The following SLC39A14 variants were observed in gnomAD, a reference collection of about 807,000 sequenced individuals.
SLC39A14 encodes metal cation symporter ZIP14.
In SLC39A14, 19 loss-of-function variants were observed where a neutral mutation model predicts 45.5. That is an observed-to-expected ratio of 0.42 (90% CI 0.29 to 0.61). SLC39A14 has a LOEUF of 0.61. Among genes scored for constraint, SLC39A14 ranks in the 20% least tolerant of loss-of-function variants. The pLI, the probability that SLC39A14 is intolerant of heterozygous loss-of-function variation, is 0.22. For synonymous variants in SLC39A14, 264 were observed against 251.3 expected (o/e 1.05, Z -0.48); for missense variants, 447 against 616.5 (o/e 0.73, Z 2.91).
At chr8:22,414,710 G>T in intron 4 of SLC39A14, 70 bp from the exon 5 acceptor site, 1 of 1,492,360 alleles carries the variant, frequency 6.7e-7, no homozygotes, top group Admixed American at 2.2e-5. Flanking sequence ...AAGTAGTTAA[G>T]AGATAAGAGG....
intron 8 of SLC39A14, among the ~76,000 whole-genome samples, chr8:22,427,974 C>T (rs1836412005): frequency 6.6e-6 from 1 of 151,974 alleles, no homozygotes; most frequent in Admixed American, 6.6e-5. Flanking sequence ...TTGAGACCAG[C>T]CCAGGCAACA....
chr8:22,404,592 A>T, intron 1 of SLC39A14, 104 bp from the exon 2 acceptor site: 1 of 1,070,268 alleles, frequency 9.3e-7, no homozygotes, highest in Non-Finnish European at 1.4e-6. Flanking sequence ...AGAAGCAGAG[A>T]CTGAGGGATA....
chr8:22,419,821 G>A lies in SLC39A14; in HGVS notation c.*123G>A. On this transcript the variant is annotated 3_prime_UTR_variant, in exon 9 of 9. Coordinates refer to ENST00000381237, the MANE Select transcript of SLC39A14 (RefSeq NM_001128431.4). ...GTTCTATGAAAAACTGACACAGACT[G>A]TATTCCTGCATTCAAATGTCAGCCG... The A allele has an allele frequency of 3.5e-6, 5 of 1,413,346 alleles. No homozygotes were observed. Among genetic ancestry groups the A allele is most frequent in the Non-Finnish European group, 3.7e-6 (4 of 1,086,514 alleles). 87.6% of individuals were successfully genotyped at this position (1,413,346 alleles called of 1,614,324 possible).
chr8:22,403,462 G>A (rs1352192282), intron 1 of SLC39A14, among the ~76,000 whole-genome samples: 1 of 150,740 alleles, frequency 6.6e-6, no homozygotes, highest in Non-Finnish European at 1.5e-5. Flanking sequence ...TGTATTTTTA[G>A]TAGAGATGGG....
intron 1 of SLC39A14, among the ~76,000 whole-genome samples, chr8:22,401,002 T>TA (rs1265204414): frequency 6.6e-6 from 1 of 152,232 alleles, no homozygotes; most frequent in Non-Finnish European, 1.5e-5. Context: ...ATCCTCAAAG[T>TA]AATCTAATGA....
intron 5 of SLC39A14, 162 bp downstream of exon 5, chr8:22,415,064 A>C: frequency 1.2e-6 from 1 of 863,172 alleles, no homozygotes; most frequent in Non-Finnish European, 1.7e-6. Flanking sequence ...CCTCCTGAGG[A>C]TATTTGGCCA....
At position 22,421,974 on chromosome 8, in the gene SLC39A14, G is replaced by A. The variant is rs533948246; in HGVS notation, c.*2276G>A. 5 of 985,432 alleles carry A rather than the reference G, an allele frequency of 5.1e-6. No homozygotes were observed. The highest frequency in any genetic ancestry group is 3.5e-5 in the African/African-American group (2 of 57,354). The allele number at this position is 985,432 out of a possible 1,614,324, so 61.0% of individuals were successfully genotyped here. On this transcript the variant is annotated 3_prime_UTR_variant, in exon 9 of 9. Coordinates refer to ENST00000381237, the MANE Select transcript of SLC39A14 (RefSeq NM_001128431.4). The stretch of plus-strand genomic sequence containing the variant: ...GTTGGCGCAGAGGTCAGTCCTAGTC[G>A]GAGCTTAGGAGGGGCGGAGACGCTC...
At chr8:22,417,453 G>C (rs1197615195) in intron 7 of SLC39A14, among the ~76,000 whole-genome samples, 198 bp from the exon 8 acceptor site, 3 of 152,108 alleles carry the variant, frequency 2.0e-5, no homozygotes, top group African/African-American at 7.2e-5. Context: ...TTAGCAGTCT[G>C]ATGTCATCGG....
intron 8 of SLC39A14, chr8:22,433,744 TAG>T (rs1401670106): frequency 5.6e-6 from 1 of 177,048 alleles, no homozygotes; most frequent in Non-Finnish European, 1.2e-5. Flanking sequence ...GTATTTTTTA[TAG>T]AGACGCGGTT....
At chr8:22,373,373 T>C (rs1833036835) in intron 1 of SLC39A14, among the ~76,000 whole-genome samples, 1 of 152,178 alleles carries the variant, frequency 6.6e-6, no homozygotes, top group African/African-American at 2.4e-5. Context: ...AAAATAATTA[T>C]TTATTGGATG....
In SLC39A14 at chr8:22,393,998, A is replaced by G. The variant is rs556110942; in HGVS notation, c.-15-10698A>G. Among the ~76,000 whole-genome samples, 606 of 137,498 alleles carry G rather than the reference A, an allele frequency of 4.4e-3. 2 individuals are homozygous for G. The highest frequency in any genetic ancestry group is 7.6e-3 in the Non-Finnish European group (493 of 64,630). The allele number at this position is 137,498 out of a possible 152,430, so 90.2% of individuals were successfully genotyped here. On this transcript the variant is annotated intron_variant, in intron 1 of 8. Transcript: ENST00000381237. ...CTGTAATGATTTTTTATTATTTCTT[A>G]TCTGAAGGGGTGTTTTTTTTTTTTT... is the stretch of plus-strand genomic sequence containing the variant.
In SLC39A14 at chr8:22,420,769, T is replaced by C; in HGVS notation, c.*1071T>C. 1 of 985,330 alleles carries C rather than the reference T, an allele frequency of 1.0e-6. No homozygotes were observed. The highest frequency in any genetic ancestry group is 1.2e-6 in the Non-Finnish European group (1 of 829,908). The allele number at this position is 985,330 out of a possible 1,614,324, so 61.0% of individuals were successfully genotyped here. ...CCGCTTCCATAAATCAAAGCATGAC[T>C]AATAGGGGGTCTCTGAAATGTAAGG... On this transcript the variant is annotated 3_prime_UTR_variant, in exon 9 of 9. Coordinates refer to ENST00000381237, the MANE Select transcript of SLC39A14 (RefSeq NM_001128431.4).
Position 22,421,490 on chromosome 8 carries a change from T to A in SLC39A14, c.*1792T>A. On this transcript the variant is annotated 3_prime_UTR_variant, in exon 9 of 9. Transcript: ENST00000381237. The stretch of plus-strand genomic sequence containing the variant: ...TCTAGATTAAATATCAGGACTGATT[T>A]CCTGGTGGGATTATGGTCCAGTTTT... The A allele has an allele frequency of 9.3e-6, 9 of 966,432 alleles. No homozygotes were observed. Among genetic ancestry groups the A allele is most frequent in the Non-Finnish European group, 9.7e-6 (8 of 821,044 alleles). The allele number at this position is 966,432 out of a possible 1,614,324, so 59.9% of individuals were successfully genotyped here.
rs147914670 is a variant in SLC39A14, at chr8:22,377,709, G to T, written c.-16+10301G>T. On this transcript the variant is annotated intron_variant, in intron 1 of 8. Coordinates refer to ENST00000381237, the MANE Select transcript of SLC39A14 (RefSeq NM_001128431.4). ...TTCCACTGGTTTTGCTCCTATTATC[G>T]TGGCCCTGATTAACACACATTTCCA... Among the ~76,000 whole-genome samples, 1,082 of 152,044 alleles carry T rather than the reference G, an allele frequency of 7.1e-3. 5 individuals carry two copies. The highest frequency in any genetic ancestry group is 0.011 in the Non-Finnish European group (722 of 67,978).
intron 3 of SLC39A14, 73 bp downstream of exon 3, chr8:22,408,569 T>C: frequency 7.2e-7 from 1 of 1,393,642 alleles, no homozygotes; most frequent in South Asian, 1.4e-5. Flanking sequence ...TGGGCTGAGC[T>C]GCTGCTGCTC....
intron 8 of SLC39A14, among the ~76,000 whole-genome samples, chr8:22,432,087 T>G (rs1284539605): frequency 6.6e-6 from 1 of 152,044 alleles, no homozygotes; most frequent in Non-Finnish European, 1.5e-5. Flanking sequence ...TCCCAACACT[T>G]TGTGAGGCCA....
At position 22,420,225 on chromosome 8, in the gene SLC39A14, T is replaced by C. The variant is rs1836148145; in HGVS notation, c.*527T>C. ...TCTGTTTAATTGCCTATTACTTCTCTCAAAGAGAACCTGAAGTCAGAACAC... is the reference window on the plus strand; with the variant it reads ...TCTGTTTAATTGCCTATTACTTCTCCCAAAGAGAACCTGAAGTCAGAACAC... On this transcript the variant is annotated 3_prime_UTR_variant, in exon 9 of 9. Transcript: ENST00000381237. 1.0e-6 allele frequency: 1 copy of C among 985,736 alleles called. No homozygotes were observed. Among genetic ancestry groups the C allele is most frequent in the Non-Finnish European group, 1.2e-6 (1 of 830,208 alleles). The allele number at this position is 985,736 out of a possible 1,614,324, so 61.1% of individuals were successfully genotyped here. A position where few individuals can be genotyped will look rare whatever the true frequency, so the allele number is the denominator to read the frequency against.
intron 1 of SLC39A14, among the ~76,000 whole-genome samples, chr8:22,381,851 G>A (rs2132199089): frequency 6.6e-6 from 1 of 152,110 alleles, no homozygotes; most frequent in Non-Finnish European, 1.5e-5. Flanking sequence ...GCAAAAATGG[G>A]CAAAGAAGGC....
chr8:22,388,019 A>G (rs1247615578), intron 1 of SLC39A14, among the ~76,000 whole-genome samples: 1 of 152,232 alleles, frequency 6.6e-6, no homozygotes, highest in Non-Finnish European at 1.5e-5. Context: ...GTCTGTTTAT[A>G]TATGCGTTTG....
Sources: gnomAD v4.1 joint callset for allele counts (sites outside exome capture counted in the v4.1 genomes callset) on GRCh38, gnomAD v4.1.1 for gene constraint, MANE v1.5 for transcripts, NCBI Gene and HGNC (gene_info 2026-07-23, HGNC 2026-07-21) for gene names.